The following TENM3 variants were observed in gnomAD, a reference collection of about 807,000 sequenced individuals.
The protein encoded by TENM3 is teneurin-3.
A neutral mutation model predicts 255.1 loss-of-function variants in TENM3; 63 were observed. That is an observed-to-expected ratio of 0.25 (90% confidence interval 0.20 to 0.30). The LOEUF is 0.30. Ranked by LOEUF, TENM3 falls within the 10% of genes least tolerant of loss-of-function variation. The pLI, the probability that TENM3 is intolerant of heterozygous loss-of-function variation, is 1.00. For synonymous variants in TENM3, 1,306 were observed against 1,322.3 expected (o/e 0.99, Z 0.27); for missense variants, 2,929 against 3,461.1 (o/e 0.85, Z 3.86).
chr4:182,640,839 G>A (rs1322702083), intron 5 of TENM3, among the ~76,000 whole-genome samples: 1 of 152,210 alleles, frequency 6.6e-6, no homozygotes, highest in Non-Finnish European at 1.5e-5. Flanking sequence ...TGCTCTCCGA[G>A]TGATCCCAGA....
At chr4:182,447,252 G>C (rs1413832922) in intron 3 of TENM3, among the ~76,000 whole-genome samples, 1 of 151,300 alleles carries the variant, frequency 6.6e-6, no homozygotes, top group Admixed American at 6.6e-5. Flanking sequence ...CACGATTTTA[G>C]AGACCCAGAG....
At chr4:182,696,161 TAAA>T (rs747580472) in intron 12 of TENM3, among the ~76,000 whole-genome samples, 1 of 150,852 alleles carries the variant, frequency 6.6e-6, no homozygotes, top group Non-Finnish European at 1.5e-5. Flanking sequence ...TATTACACAA[TAAA>T]AAAAAAGTCT....
chr4:182,568,678 G>A (rs1354750525), intron 3 of TENM3, among the ~76,000 whole-genome samples: 1 of 152,104 alleles, frequency 6.6e-6, no homozygotes, highest in African/African-American at 2.4e-5. Flanking sequence ...AAAAACACAG[G>A]TGAAAAACTG....
chr4:182,341,637 T>C (rs1021462204), intron 2 of TENM3, among the ~76,000 whole-genome samples: 1 of 152,222 alleles, frequency 6.6e-6, no homozygotes, highest in African/African-American at 2.4e-5. Flanking sequence ...GCAACAATGC[T>C]GTAGTAAACA....
At chr4:182,478,674 T>A (rs1733910258) in intron 3 of TENM3, among the ~76,000 whole-genome samples, 1 of 152,004 alleles carries the variant, frequency 6.6e-6, no homozygotes, top group Non-Finnish European at 1.5e-5. Context: ...TTTGTACTAT[T>A]GTTCTAGAAT....
At chr4:182,559,723 C>G (rs1742949114) in intron 3 of TENM3, among the ~76,000 whole-genome samples, 1 of 151,846 alleles carries the variant, frequency 6.6e-6, no homozygotes, top group South Asian at 2.1e-4. Context: ...TTCTTTACAC[C>G]TCTTGCTTTT....
intron 25 of TENM3, among the ~76,000 whole-genome samples, chr4:182,790,571 G>C (rs1369153671): frequency 6.6e-6 from 1 of 152,158 alleles, no homozygotes; most frequent in Non-Finnish European, 1.5e-5. Context: ...CCTCTGGGAT[G>C]CGTCCAGCTA....
the TENM3 span, among the ~76,000 whole-genome samples, chr4:181,656,395 T>C: frequency 6.6e-6 from 1 of 152,046 alleles, no homozygotes. Flanking sequence ...GTAGCCAGCA[T>C]TGTAAATAAA....
At chr4:181,731,410 G>T in the TENM3 span, among the ~76,000 whole-genome samples, 1 of 152,154 alleles carries the variant, frequency 6.6e-6, no homozygotes, top group East Asian at 1.9e-4. Flanking sequence ...CTGGAGTGCA[G>T]TGGTGATCCC....
intron 3 of TENM3, among the ~76,000 whole-genome samples, chr4:182,584,594 A>G (rs993579787): frequency 1.3e-5 from 2 of 152,204 alleles, no homozygotes; most frequent in African/African-American, 4.8e-5. Context: ...TACTTTAAAT[A>G]AATGATATTA....
At chr4:182,082,353 G>T in the TENM3 span, among the ~76,000 whole-genome samples, 1 of 151,992 alleles carries the variant, frequency 6.6e-6, no homozygotes, top group Non-Finnish European at 1.5e-5. Flanking sequence ...CCCGCCAAAG[G>T]CCCCACCTCT....
At chr4:182,732,609 C>G (rs80232158) in intron 16 of TENM3, among the ~76,000 whole-genome samples, 2 of 152,106 alleles carry the variant, frequency 1.3e-5, no homozygotes, top group African/African-American at 2.4e-5. Flanking sequence ...GAGGATGGAT[C>G]GAGCCCAGGA....
At chr4:182,065,686 A>G in the TENM3 span, among the ~76,000 whole-genome samples, 3 of 152,202 alleles carry the variant, frequency 2.0e-5, no homozygotes, top group Non-Finnish European at 4.4e-5. Flanking sequence ...CACATCAGTT[A>G]TAAACGGGAA....
chr4:181,553,794 A>C, the TENM3 span, among the ~76,000 whole-genome samples: 1 of 151,928 alleles, frequency 6.6e-6, no homozygotes, highest in Non-Finnish European at 1.5e-5. Context: ...TCATGCTGTC[A>C]AGTAATTGTG....
At chr4:181,775,635 G>A in the TENM3 span, among the ~76,000 whole-genome samples, 1 of 152,090 alleles carries the variant, frequency 6.6e-6, no homozygotes, top group African/African-American at 2.4e-5. Flanking sequence ...AATAAGCTGT[G>A]GATTCTTCTC....
chr4:181,624,237 A>C, the TENM3 span, among the ~76,000 whole-genome samples: 1 of 152,212 alleles, frequency 6.6e-6, no homozygotes, highest in African/African-American at 2.4e-5. Flanking sequence ...CTCGCTCCAG[A>C]ATACAGGCTG....
chr4:182,285,101 G>A (rs1760649922), intron 1 of TENM3, among the ~76,000 whole-genome samples: 1 of 152,094 alleles, frequency 6.6e-6, no homozygotes, highest in South Asian at 2.1e-4. Context: ...TTCCATATCA[G>A]TATTAAGGGT....
chr4:182,120,355 T>G, the TENM3 span, among the ~76,000 whole-genome samples: 1 of 152,168 alleles, frequency 6.6e-6, no homozygotes, highest in Admixed American at 6.5e-5. Flanking sequence ...TTGCTCTCTG[T>G]GATGTTTACA....
Position 182,792,172 on chromosome 4 carries a change from C to A in TENM3, c.5602-102C>A. 1.8e-6 allele frequency: 2 copies of A among 1,094,166 alleles called. No individual in the cohort carries two copies. Among genetic ancestry groups the A allele is most frequent in the Non-Finnish European group, 2.7e-6 (2 of 750,424 alleles). 67.8% of individuals were successfully genotyped at this position (1,094,166 alleles called of 1,614,324 possible). A position where few individuals can be genotyped will look rare whatever the true frequency, so the allele number is the denominator to read the frequency against. Reference sequence around the variant, plus strand: ...AGGATAACTCAATTAAAATGAAAATCATTTTCTCTAGTGGAATGTTTCTGT... The same window carrying A: ...AGGATAACTCAATTAAAATGAAAATAATTTTCTCTAGTGGAATGTTTCTGT... On this transcript the variant is annotated intron_variant, in intron 25 of 27. Transcript: ENST00000511685. The surrounding 1 kb of genome is among the most constrained non-coding windows in gnomAD (Gnocchi z 6.3).
Sources: gnomAD v4.1 joint callset for allele counts (sites outside exome capture counted in the v4.1 genomes callset) on GRCh38, gnomAD v4.1.1 for gene constraint, Gnocchi (gnomAD v3.1) non-coding constraint, MANE v1.5 for transcripts, NCBI Gene and HGNC (gene_info 2026-07-23, HGNC 2026-07-21) for gene names.